SYNE1: variants seen among roughly 807,000 people sequenced by gnomAD.
SYNE1 encodes spectrin repeat containing nuclear envelope protein 1, also known as nesprin-1.
A neutral mutation model predicts 1,111.0 loss-of-function variants in SYNE1; 616 were observed. That is an observed-to-expected ratio of 0.55 (90% CI 0.52 to 0.59). The LOEUF is 0.59. SYNE1 is among the 20% of genes least tolerant of loss of function. SYNE1 has a pLI of 0.00. For missense variants in SYNE1, 10,006 were observed against 10,417.0 expected (o/e 0.96, Z 1.72); for synonymous variants, 3,855 against 3,825.8 (o/e 1.01, Z -0.28).
At chr6:152,485,845 T>C (rs183053685) in intron 12 of SYNE1, among the ~76,000 whole-genome samples, 1 of 152,282 alleles carries the variant, frequency 6.6e-6, no homozygotes, top group Admixed American at 6.5e-5. Context: ...GATAGTGAAC[T>C]AGAATTTTAT....
chr6:152,331,804 T>A lies in SYNE1; in HGVS notation c.12881A>T (p.Asp4294Val). ...CATTTTCTGCTTTTGATCTTTCAGA[T>A]CTTCAATAGCATACTTTCTCTCCTG... Reference protein sequence around the residue: ...ALQERKYAIEDLKDQKQKMIE... With the variant: ...ALQERKYAIEVLKDQKQKMIE... Residue 4294 changes from aspartate (D) to valine (V), a missense_variant, in exon 78 of 146, where the codon GAT becomes GTT. Around this residue, in one of 7 missense-constraint regions of SYNE1, gnomAD observed 4,955 missense variants for 5,017.2 expected, o/e 0.99. Transcript: ENST00000367255. 6.2e-7 allele frequency: 1 copy of A among 1,614,232 alleles called. No homozygotes were observed. The highest frequency in any genetic ancestry group is 8.5e-7 in the Non-Finnish European group (1 of 1,180,044).
chr6:152,180,218 C>G lies in SYNE1; in HGVS notation c.23378G>C (p.Cys7793Ser), dbSNP rs1266673338. 2 of 1,614,006 alleles carry G rather than the reference C, an allele frequency of 1.2e-6. No homozygotes were observed. ...AVFSEKNKEL[C>S]EWLTQMESKV... is the part of the protein sequence containing the mutation. ...GCTTTCCATTTGAGTCAACCACTCA[C>G]AGAGTTCCTTGTTCTTTTCACTGAA... Residue 7793 changes from cysteine to serine, a missense_variant, in exon 129 of 146, where the codon TGT becomes TCT. Cys to Ser is a moderately radical substitution (Grantham distance 112). Around this residue, in one of 7 missense-constraint regions of SYNE1, gnomAD observed 2,182 missense variants for 2,287.8 expected, o/e 0.95. Coordinates refer to ENST00000367255, the MANE Select transcript of SYNE1 (RefSeq NM_182961.4).
chr6:152,144,644 G>T (rs937725712), intron 137 of SYNE1: 6 of 152,044 alleles, frequency 3.9e-5, no homozygotes, highest in Admixed American at 3.9e-4. Flanking sequence ...ACCTAGGAGA[G>T]GTCCCTCCCT....
chr6:152,580,965 T>A (rs1245335412), intron 3 of SYNE1, among the ~76,000 whole-genome samples: 1 of 152,258 alleles, frequency 6.6e-6, no homozygotes, highest in Non-Finnish European at 1.5e-5. Context: ...GGGCTACATC[T>A]GTTAATACCT....
chr6:152,231,891 G>T (rs2082867404), intron 113 of SYNE1, among the ~76,000 whole-genome samples: 1 of 151,684 alleles, frequency 6.6e-6, no homozygotes. Flanking sequence ...TATAATTTCT[G>T]TAATTCTTTA....
intron 3 of SYNE1, among the ~76,000 whole-genome samples, chr6:152,598,536 A>G (rs987259466): frequency 2.6e-5 from 4 of 152,220 alleles, no homozygotes; most frequent in African/African-American, 9.6e-5. Context: ...GTTTTTCATA[A>G]ACTCAATGGT....
At position 152,155,487 on chromosome 6, in the gene SYNE1, A is replaced by C. The variant is rs183965182; in HGVS notation, c.23978+423T>G. ...GCAGGACAAATATTAAGCTTTCAACAGTTTACCAGAGAGCACAGCCATGAT... is the reference window on the plus strand; with the variant it reads ...GCAGGACAAATATTAAGCTTTCAACCGTTTACCAGAGAGCACAGCCATGAT... On this transcript the variant is annotated intron_variant, in intron 132 of 145. Transcript: ENST00000367255. The C allele has an allele frequency of 3.9e-4, 122 of 312,022 alleles. 6 individuals carry two copies. In the East Asian group the frequency reaches 8.5e-3, roughly 22 times the overall value. The allele number at this position is 312,022 out of a possible 1,614,324, so 19.3% of individuals were successfully genotyped here.
chr6:152,252,596 G>A (rs1461306349), intron 104 of SYNE1, among the ~76,000 whole-genome samples: 23 of 152,192 alleles, frequency 1.5e-4, no homozygotes, highest in Admixed American at 1.4e-3. Context: ...ATTAAATGCA[G>A]AATGAAGGCA....
rs1304336221 is a variant in SYNE1, at chr6:152,316,640, TC to T, written c.16710+208del. 3 of 598,404 alleles carry T rather than the reference TC, an allele frequency of 5.0e-6. No homozygotes were observed. In the African/African-American group the frequency reaches 5.6e-5, roughly 11 times the overall value. 37.1% of individuals were successfully genotyped at this position (598,404 alleles called of 1,614,324 possible). On this transcript the variant is annotated intron_variant, in intron 87 of 145. Transcript: ENST00000367255. The stretch of plus-strand genomic sequence containing the variant: ...TGGTGTAAGGTAGGTTTAGGGAAGA[TC>T]AAGGATATTTATTTATTCAATTTCA...
intron 32 of SYNE1, among the ~76,000 whole-genome samples, chr6:152,440,015 T>A (rs1295111393): frequency 1.3e-5 from 2 of 152,086 alleles, no homozygotes; most frequent in Non-Finnish European, 2.9e-5. Flanking sequence ...CTCGTTCACA[T>A]CCCCCATCTC....
At chr6:152,619,046 T>TCTCACA (rs369313606) in intron 3 of SYNE1, among the ~76,000 whole-genome samples, 44,989 of 135,490 alleles carry the variant, frequency 0.33, 7,038 homozygotes, top group East Asian at 0.57. Flanking sequence ...GGTGTGAGAA[T>TCTCACA]CACACACACA....
intron 119 of SYNE1, 28 bp from the exon 120 acceptor site, chr6:152,219,213 T>C (rs929742532): frequency 1.9e-5 from 30 of 1,606,196 alleles, no homozygotes; most frequent in Non-Finnish European, 2.6e-5. Flanking sequence ...ATGCCCACTC[T>C]GAAGCATGTT....
At chr6:152,527,698 G>T (rs2099169959) in intron 4 of SYNE1, among the ~76,000 whole-genome samples, 1 of 152,134 alleles carries the variant, frequency 6.6e-6, no homozygotes, top group Non-Finnish European at 1.5e-5. Context: ...GTGAGCAAAT[G>T]CAAATAAAAT....
At chr6:152,403,826 C>T (rs1275124763) in intron 46 of SYNE1, among the ~76,000 whole-genome samples, 4 of 151,784 alleles carry the variant, frequency 2.6e-5, no homozygotes, top group Non-Finnish European at 1.5e-5. Flanking sequence ...GAAATGCTTC[C>T]GAAATTCAGT....
intron 135 of SYNE1, among the ~76,000 whole-genome samples, chr6:152,150,606 T>TA (rs1463981992): frequency 1.3e-5 from 2 of 152,170 alleles, no homozygotes; most frequent in African/African-American, 4.8e-5. Context: ...GACCATTCTT[T>TA]AAAAAAATCC....
At chr6:152,414,043 TG>T (rs1352684237) in intron 41 of SYNE1, among the ~76,000 whole-genome samples, 1 of 151,346 alleles carries the variant, frequency 6.6e-6, no homozygotes, top group Non-Finnish European at 1.5e-5. Context: ...CCTACTTTGT[TG>T]AAAAGATTAC....
Position 152,221,661 on chromosome 6 carries a change from C to T in SYNE1, c.21523-102G>A. 3.4e-6 allele frequency: 5 copies of T among 1,450,952 alleles called. No homozygotes were observed. In the East Asian group the frequency reaches 9.1e-5, roughly 27 times the overall value. The allele number at this position is 1,450,952 out of a possible 1,614,324, so 89.9% of individuals were successfully genotyped here. ...ATGTTTTCATAAATATGTACATATA[C>T]TTGTATAAACCAGGCATGACTTAGC... On this transcript the variant is annotated intron_variant, in intron 117 of 145. Coordinates refer to ENST00000367255, the MANE Select transcript of SYNE1 (RefSeq NM_182961.4).
intron 110 of SYNE1, 91 bp from the exon 111 acceptor site, chr6:152,234,891 A>G: frequency 7.0e-7 from 1 of 1,433,424 alleles, no homozygotes; most frequent in Non-Finnish European, 9.7e-7. Flanking sequence ...CAGTTTTAAA[A>G]CGAGAGGTCT....
chr6:152,330,539 A>C lies in SYNE1; in HGVS notation c.14146T>G (p.Cys4716Gly), dbSNP rs1465725804. Residue 4716 changes from cysteine to glycine, a missense_variant, in exon 78 of 146, where the codon TGC becomes GGC. This residue lies in a region of SYNE1 where 4,955 missense variants were observed against 5,017.2 expected (regional missense o/e 0.99). Coordinates refer to ENST00000367255, the MANE Select transcript of SYNE1 (RefSeq NM_182961.4). ...VEEALSLQDG[C>G]RAILDEVAGL... ...GCCACCTCGTCCAGAATGGCTCTGC[A>C]ACCATCTTGCAGAGAAAGAGCCTCC... 2 of 1,613,984 alleles carry C rather than the reference A, an allele frequency of 1.2e-6. No homozygotes were observed.
Sources: gnomAD v4.1 joint callset for allele counts (sites outside exome capture counted in the v4.1 genomes callset) on GRCh38, gnomAD v4.1.1 for gene constraint, gnomAD v4.1.1 regional missense constraint, MANE v1.5 for transcripts, NCBI Gene and HGNC (gene_info 2026-07-23, HGNC 2026-07-21) for gene names.